Variants in SHC3 observed in about 807,000 individuals in gnomAD.
SHC3 encodes SHC-transforming protein 3.
A neutral mutation model predicts 60.4 loss-of-function variants in SHC3; 15 were observed. That is an observed-to-expected ratio of 0.25 (90% CI 0.17 to 0.38). The LOEUF (loss-of-function observed/expected upper bound fraction) is 0.38. Ranked by LOEUF, SHC3 falls within the 10% of genes least tolerant of loss-of-function variation. SHC3 has a pLI of 1.00. For missense variants in SHC3, 677 were observed against 786.1 expected, an observed-to-expected ratio of 0.86 and a Z score of 1.66; for synonymous variants, 294 against 325.9, an observed-to-expected ratio of 0.90 and a Z score of 1.05.
At chr9:89,052,610 A>G (rs1824879648) in intron 6 of SHC3, among the ~76,000 whole-genome samples, 1 of 152,182 alleles carries the variant, frequency 6.6e-6, no homozygotes, top group Non-Finnish European at 1.5e-5. Flanking sequence ...GTGAATCTTG[A>G]TTTATTCAGT....
rs181191226 is a variant in SHC3 at position 89,066,948 on chromosome 9, G to T, written c.784-1368C>A. On this transcript the variant is annotated intron_variant, in intron 5 of 11. Transcript: ENST00000375835. The stretch of plus-strand genomic sequence containing the variant: ...GCACTTTTCCACACCCCATCCCGCT[G>T]GATCTTACACAGCCCAACAAGACCA... Among the ~76,000 whole-genome samples the T allele has an allele frequency of 1.5e-4, 23 of 152,212 alleles. No individual in the cohort carries two copies. The East Asian group carries it at 3.5e-3, about 23-fold the overall frequency.
intron 9 of SHC3, among the ~76,000 whole-genome samples, chr9:89,043,557 C>A (rs888564744): frequency 6.6e-6 from 1 of 152,232 alleles, no homozygotes. Flanking sequence ...CACGTGCCAT[C>A]GTGATACCTG....
In SHC3 at chr9:89,049,798, T is replaced by C. The variant is rs183895687; in HGVS notation, c.962+2239A>G. On this transcript the variant is annotated intron_variant, in intron 7 of 11. Coordinates refer to ENST00000375835, the MANE Select transcript of SHC3 (RefSeq NM_016848.6). ...GCCAACTGTTCCAACTGTGTTCAAA[T>C]AAGGCAAACGCCGAGCTGTAACCAA... 9.6e-3 allele frequency among the ~76,000 whole-genome samples: 1,465 copies of C among 152,346 alleles called. 9 individuals carry two copies. Among genetic ancestry groups the C allele is most frequent in the Non-Finnish European group, 0.016 (1,067 of 68,026 alleles).
At chr9:89,048,241 T>TAAAAAA in intron 7 of SHC3, among the ~76,000 whole-genome samples, 1 of 133,954 alleles carries the variant, frequency 7.5e-6, no homozygotes, top group African/African-American at 2.8e-5. Flanking sequence ...AAGACTCCAT[T>TAAAAAA]AAAAAAAAAA....
intron 7 of SHC3, among the ~76,000 whole-genome samples, chr9:89,050,635 T>C (rs887595960): frequency 7.9e-5 from 12 of 152,246 alleles, no homozygotes; most frequent in African/African-American, 2.9e-4. Flanking sequence ...CCATATACTA[T>C]ATATGCAATC....
intron 2 of SHC3, among the ~76,000 whole-genome samples, chr9:89,091,918 TAA>T (rs1445652005): frequency 6.6e-6 from 1 of 151,326 alleles, no homozygotes; most frequent in African/African-American, 2.4e-5. Flanking sequence ...GATAAGAAAG[TAA>T]AGAGACTCCA....
chr9:89,110,731 C>G (rs1222075193), intron 2 of SHC3, among the ~76,000 whole-genome samples: 3 of 152,172 alleles, frequency 2.0e-5, no homozygotes, highest in African/African-American at 7.2e-5. Flanking sequence ...GCAATTCTGG[C>G]ACAATTAGAA....
intron 2 of SHC3, among the ~76,000 whole-genome samples, chr9:89,089,443 C>T (rs1825585119): frequency 6.6e-6 from 1 of 152,086 alleles, no homozygotes; most frequent in African/African-American, 2.4e-5. Context: ...GGACCTGGGG[C>T]AGAGTGTCCA....
At chr9:89,043,660 T>TTA (rs1564095815) in intron 9 of SHC3, among the ~76,000 whole-genome samples, 6 of 151,696 alleles carry the variant, frequency 4.0e-5, no homozygotes, top group Non-Finnish European at 8.8e-5. Flanking sequence ...TTATTTTTTT[T>TTA]TTTTTTTTTG....
intron 11 of SHC3, among the ~76,000 whole-genome samples, chr9:89,033,651 G>A (rs959803665): frequency 6.6e-6 from 1 of 152,136 alleles, no homozygotes; most frequent in African/African-American, 2.4e-5. Flanking sequence ...TACATATTGG[G>A]CACTATGGCA....
chr9:89,019,015 T>A (rs1432094905), intron 11 of SHC3, among the ~76,000 whole-genome samples: 3 of 149,224 alleles, frequency 2.0e-5, no homozygotes, highest in Admixed American at 1.3e-4. Flanking sequence ...ACTGAGATCA[T>A]GCCACTGCAC....
Position 89,178,323 on chromosome 9 carries a change from G to A in SHC3, c.138C>T (p.Tyr46=), listed in dbSNP as rs1460862277. Residue 46 remains tyrosine, a synonymous_variant, in exon 1 of 12, where the codon TAC becomes TAT. Coordinates refer to ENST00000375835, the MANE Select transcript of SHC3 (RefSeq NM_016848.6). The surrounding 1 kb of genome is among the most constrained non-coding windows in gnomAD (Gnocchi z 6.9). ...AARATPAAAP[Y]LVSGEALRKA... ...TGCGCAGCGCCTCGCCGGACACCAA[G>A]TAGGGAGCCGCCGCCGGGGTCGCGC... The A allele has an allele frequency of 2.5e-6, 4 of 1,594,128 alleles. 1 individual carries two copies. Among genetic ancestry groups the A allele is most frequent in the South Asian group, 2.3e-5 (2 of 88,794 alleles).
intron 1 of SHC3, among the ~76,000 whole-genome samples, chr9:89,128,805 G>C (rs150120638): frequency 0.013 from 2,032 of 152,268 alleles, 20 homozygotes; most frequent in South Asian, 0.034. Flanking sequence ...GGAGAAACCA[G>C]AGCAGAAAAG....
chr9:89,142,375 A>G (rs1015380127), intron 1 of SHC3, among the ~76,000 whole-genome samples: 1 of 152,142 alleles, frequency 6.6e-6, no homozygotes, highest in African/African-American at 2.4e-5. Context: ...AGCCTGGCCA[A>G]CATGGTGAAA....
Position 89,099,424 on chromosome 9 carries a change from GGAA to G in SHC3, c.545+13129_545+13131del, listed in dbSNP as rs1344858073. ...ATTGTTCACGTTTGTGCTTTTCTAT[GGAA>G]TATCATCCTCTGAGCCATCAAGAAT... On this transcript the variant is annotated intron_variant, in intron 2 of 11. Transcript: ENST00000375835. 1.1e-4 allele frequency among the ~76,000 whole-genome samples: 16 copies of G among 152,258 alleles called. 1 individual carries two copies. Among genetic ancestry groups the G allele is most frequent in the Middle Eastern group, 6.8e-3 (2 of 294 alleles).
At chr9:89,043,705 G>A (rs1336796647) in intron 9 of SHC3, among the ~76,000 whole-genome samples, 1 of 151,400 alleles carries the variant, frequency 6.6e-6, no homozygotes, top group Non-Finnish European at 1.5e-5. Context: ...AGGCTGGAAT[G>A]CAAGTGGCAT....
intron 1 of SHC3, among the ~76,000 whole-genome samples, chr9:89,168,963 G>A (rs146324229): frequency 2.4e-3 from 365 of 152,196 alleles, no homozygotes; most frequent in African/African-American, 8.2e-3. Flanking sequence ...GGCTTTTCCT[G>A]GGTCTCAAGC....
rs1392017825 is a variant in SHC3, at chr9:89,178,128, A to G, written c.333T>C (p.Ser111=). 2 of 1,174,998 alleles carry G rather than the reference A, an allele frequency of 1.7e-6. No individual in the cohort carries two copies. The highest frequency in any genetic ancestry group is 3.2e-5 in the African/African-American group (2 of 61,802). 72.8% of individuals were successfully genotyped at this position (1,174,998 alleles called of 1,614,324 possible). The change falls in exon 1 of 12, where the codon AGT becomes AGC. Residue 111 remains serine, a synonymous_variant. Transcript: ENST00000375835. This position sits in a 1 kb window ranked among gnomAD's most constrained non-coding sequence, Gnocchi z 6.9. ...CCGGGGCGCGGGGCGCCGAGGGCGC[A>G]CTGCCGTCCGGGGCGGCCAGGCTGG... The part of the protein sequence containing the change: ...SAPSLAAPDG[S]APSAPRAPAM...
At chr9:89,054,617 A>G (rs1396145265) in intron 6 of SHC3, among the ~76,000 whole-genome samples, 2 of 152,174 alleles carry the variant, frequency 1.3e-5, no homozygotes, top group Non-Finnish European at 2.9e-5. Flanking sequence ...GCTGGGCTTC[A>G]CCTCTCCCTG....
Sources: allele counts gnomAD v4.1 joint callset (sites outside exome capture counted in the v4.1 genomes callset), GRCh38; gene constraint gnomAD v4.1.1; non-coding constraint Gnocchi (gnomAD v3.1); transcripts MANE v1.5; gene names NCBI Gene and HGNC (gene_info 2026-07-23, HGNC 2026-07-21).